Variants in PARP9 observed in about 807,000 individuals in gnomAD.
The protein encoded by PARP9 is poly(ADP-ribose) polymerase family member 9.
PARP9 carries 48 observed loss-of-function variants against 68.8 expected under a neutral mutation model. The ratio of observed to expected loss-of-function variants is 0.70; its 90% CI spans 0.55 to 0.89. PARP9 has a LOEUF of 0.89. Ranked by LOEUF, PARP9 falls within the 40% of genes least tolerant of loss-of-function variation. The probability of loss-of-function intolerance (pLI) is 0.00; values close to 1 mark genes in which losing one functional copy is unlikely to be tolerated. For synonymous variants in PARP9, 309 were observed against 333.8 expected (o/e 0.93, Z 0.81); for missense variants, 806 against 969.3 (o/e 0.83, Z 2.24).
chr3:122,531,873 G>C (rs2077332969), intron 10 of PARP9: 1 of 152,176 alleles, frequency 6.6e-6, no homozygotes, highest in African/African-American at 2.4e-5. Context: ...CAAGACAAAT[G>C]AAAGTTCTTT....
At chr3:122,563,725 C>T (rs1440838450) in intron 1 of PARP9, among the ~76,000 whole-genome samples, 6 of 151,950 alleles carry the variant, frequency 3.9e-5, no homozygotes, top group Non-Finnish European at 7.4e-5. Flanking sequence ...CTCCCCATCT[C>T]GCCGCCACAC....
At chr3:122,564,221 C>A in intron 1 of PARP9, 24 bp downstream of exon 1, 1 of 574,482 alleles carries the variant, frequency 1.7e-6, no homozygotes, top group Non-Finnish European at 2.9e-6. Flanking sequence ...ACCCCGAGGG[C>A]CCAGAGGCAC....
intron 10 of PARP9, chr3:122,535,604 T>C: frequency 2.0e-6 from 2 of 985,428 alleles, no homozygotes; most frequent in Non-Finnish European, 2.4e-6. Flanking sequence ...TGCAATGTTT[T>C]TGTACATCTG....
chr3:122,530,614 G>C (rs1002715902), intron 10 of PARP9, among the ~76,000 whole-genome samples: 9 of 152,090 alleles, frequency 5.9e-5, no homozygotes, highest in Admixed American at 2.0e-4. Flanking sequence ...ACCTCACTTA[G>C]AGGGAAAAAA....
intron 5 of PARP9, among the ~76,000 whole-genome samples, chr3:122,552,117 G>T (rs2079251351): frequency 6.6e-6 from 1 of 151,244 alleles, no homozygotes; most frequent in Admixed American, 6.6e-5. Flanking sequence ...TGGGGGTCTT[G>T]CTATGTTGCT....
At chr3:122,531,591 CTGTATGTATATAAT>C (rs1323975727) in intron 10 of PARP9, among the ~76,000 whole-genome samples, 3 of 152,036 alleles carry the variant, frequency 2.0e-5, no homozygotes, top group African/African-American at 7.3e-5. Flanking sequence ...CCCCGTATAA[CTGTATGTATATAAT>C]TGTATGTATC....
intron 3 of PARP9, among the ~76,000 whole-genome samples, chr3:122,557,748 A>T (rs1301760560): frequency 6.6e-6 from 1 of 152,078 alleles, no homozygotes; most frequent in East Asian, 1.9e-4. Context: ...ATTCCATCTC[A>T]AATTCTGCTT....
chr3:122,544,902 C>T (rs1259207711), intron 7 of PARP9, among the ~76,000 whole-genome samples: 1 of 152,102 alleles, frequency 6.6e-6, no homozygotes, highest in East Asian at 1.9e-4. Flanking sequence ...ATATGCTTGG[C>T]CCAGACCCAG....
chr3:122,561,615 T>C (rs1230726121), intron 1 of PARP9, among the ~76,000 whole-genome samples: 12 of 152,194 alleles, frequency 7.9e-5, no homozygotes, highest in Admixed American at 7.9e-4. Context: ...CTTCCCTTGG[T>C]TCTTCTATTA....
intron 3 of PARP9, among the ~76,000 whole-genome samples, chr3:122,557,675 T>C (rs1157673953): frequency 6.6e-6 from 1 of 152,232 alleles, no homozygotes; most frequent in Non-Finnish European, 1.5e-5. Flanking sequence ...TACAGTCTGA[T>C]GGCTAGTCTG....
chr3:122,532,081 G>T (rs2077352643), intron 10 of PARP9: 13 of 906,048 alleles, frequency 1.4e-5, no homozygotes, highest in Non-Finnish European at 1.7e-5. Context: ...GACTCTGGTG[G>T]GTGCAGTCCC....
At chr3:122,544,648 C>T (rs1470157672) in intron 7 of PARP9, among the ~76,000 whole-genome samples, 2 of 151,994 alleles carry the variant, frequency 1.3e-5, no homozygotes, top group African/African-American at 4.8e-5. Flanking sequence ...GAAACCCCGT[C>T]TCTACCAAAA....
intron 1 of PARP9, among the ~76,000 whole-genome samples, chr3:122,562,421 C>T (rs557427456): frequency 6.6e-6 from 1 of 151,868 alleles, no homozygotes; most frequent in South Asian, 2.1e-4. Context: ...TCTCGATCTC[C>T]TGACCTCATG....
intron 10 of PARP9, chr3:122,533,357 T>G (rs11921027): frequency 0.51 from 77,610 of 151,922 alleles, 20,298 homozygotes; most frequent in East Asian, 0.65. Flanking sequence ...TCAATTTGAG[T>G]TACCTATGGG....
intron 9 of PARP9, 186 bp downstream of exon 9, chr3:122,536,748 C>T: frequency 1.5e-6 from 1 of 651,514 alleles, no homozygotes; most frequent in Non-Finnish European, 2.5e-6. Flanking sequence ...GTCATTCCTA[C>T]CTCCCGATTC....
In PARP9 at chr3:122,550,596, C is replaced by T; in HGVS notation, c.1314G>A (p.Leu438=). 1 of 1,609,456 alleles carries T rather than the reference C, an allele frequency of 6.2e-7. No individual in the cohort carries two copies. The highest frequency in any genetic ancestry group is 2.0e-4 in the Middle Eastern group (1 of 5,114). The change falls in exon 6 of 11, where the codon TTG becomes TTA. Residue 438 remains leucine, a synonymous_variant. Coordinates refer to ENST00000682323, the MANE Select transcript of PARP9 (RefSeq NM_001146105.2). ...TVKFVIFPTD[L]EIYKAFSSEM... ...GATATTAACTTACCTTATATATCTC[C>T]AAATCTGTTGGAAAGATCACAAATT... is the stretch of plus-strand genomic sequence containing the variant.
intron 7 of PARP9, among the ~76,000 whole-genome samples, chr3:122,541,094 G>A (rs1007744610): frequency 2.6e-5 from 4 of 152,144 alleles, no homozygotes; most frequent in African/African-American, 9.7e-5. Flanking sequence ...GTTTCACCGT[G>A]TTAGCCGGGA....
At chr3:122,564,209 G>A in intron 1 of PARP9, 36 bp downstream of exon 1, 2 of 538,430 alleles carry the variant, frequency 3.7e-6, no homozygotes, top group Non-Finnish European at 6.3e-6. Context: ...GCAGGAGAGG[G>A]GACCCCGAGG....
At chr3:122,560,450 G>A (rs964181681) in intron 1 of PARP9, among the ~76,000 whole-genome samples, 3 of 152,016 alleles carry the variant, frequency 2.0e-5, no homozygotes, top group African/African-American at 7.2e-5. Context: ...GCAGTGGCTC[G>A]ATCTTGGCTC....
Sources: allele counts gnomAD v4.1 joint callset (sites outside exome capture counted in the v4.1 genomes callset), GRCh38; gene constraint gnomAD v4.1.1; transcripts MANE v1.5; gene names NCBI Gene and HGNC (gene_info 2026-07-23, HGNC 2026-07-21).